TBC1D1: variants seen among roughly 807,000 people sequenced by gnomAD.
TBC1D1 encodes TBC1 domain family member 1.
In TBC1D1, 89 loss-of-function variants were observed where a neutral mutation model predicts 125.6. The ratio of observed to expected loss-of-function variants is 0.71; its 90% CI spans 0.60 to 0.85. TBC1D1 has a LOEUF of 0.85. Among genes scored for constraint, TBC1D1 ranks in the 40% least tolerant of loss-of-function variants. TBC1D1 has a pLI of 0.00. For missense variants in TBC1D1, 1,377 were observed against 1,469.2 expected (o/e 0.94, Z 1.03); for synonymous variants, 565 against 564.1 (o/e 1.00, Z -0.02).
intron 2 of TBC1D1, among the ~76,000 whole-genome samples, chr4:37,968,712 A>G (rs1421657860): frequency 2.0e-5 from 3 of 152,154 alleles, no homozygotes; most frequent in Admixed American, 6.5e-5. Flanking sequence ...CTGAAGATTC[A>G]TCTTGAATCC....
intron 17 of TBC1D1, chr4:38,118,439 C>CACG: frequency 2.5e-6 from 1 of 404,556 alleles, no homozygotes; most frequent in South Asian, 3.0e-5. Flanking sequence ...CGTGTAGATC[C>CACG]GATCGCTCAC....
chr4:37,946,036 A>G (rs1227964665), intron 2 of TBC1D1, among the ~76,000 whole-genome samples: 1 of 152,204 alleles, frequency 6.6e-6, no homozygotes, highest in Non-Finnish European at 1.5e-5. Flanking sequence ...AAGCCATAAT[A>G]TATTTTGATA....
intron 2 of TBC1D1, among the ~76,000 whole-genome samples, chr4:37,969,321 A>G (rs542512105): frequency 1.3e-5 from 2 of 152,186 alleles, no homozygotes; most frequent in Admixed American, 6.5e-5. Flanking sequence ...TGCATCTACT[A>G]TAGGCCAGTG....
intron 17 of TBC1D1, among the ~76,000 whole-genome samples, chr4:38,122,220 G>C (rs1280498882): frequency 1.3e-5 from 2 of 152,144 alleles, no homozygotes. Flanking sequence ...GCCCTTGCAG[G>C]GGTCATACCC....
At chr4:37,944,620 G>T (rs1726273973) in intron 2 of TBC1D1, among the ~76,000 whole-genome samples, 1 of 152,212 alleles carries the variant, frequency 6.6e-6, no homozygotes, top group Non-Finnish European at 1.5e-5. Context: ...CCATGGGTGT[G>T]GAACCCTTTG....
At chr4:37,973,630 A>G (rs770488030) in intron 2 of TBC1D1, among the ~76,000 whole-genome samples, 3 of 152,072 alleles carry the variant, frequency 2.0e-5, no homozygotes, top group Non-Finnish European at 4.4e-5. Context: ...TCCTGGGTTC[A>G]GCTTGTCCAG....
At chr4:37,902,590 A>G in intron 2 of TBC1D1, 78 bp downstream of exon 2, 1 of 1,158,890 alleles carries the variant, frequency 8.6e-7, no homozygotes, top group Non-Finnish European at 1.2e-6. Context: ...TATTTATTTT[A>G]AGTATACTGA....
chr4:38,035,238 TG>T (rs1746982808), intron 7 of TBC1D1, among the ~76,000 whole-genome samples: 1 of 152,210 alleles, frequency 6.6e-6, no homozygotes, highest in Non-Finnish European at 1.5e-5. Context: ...AGTTTGTCAA[TG>T]TTTGGTCATC....
intron 2 of TBC1D1, among the ~76,000 whole-genome samples, chr4:37,905,699 G>C (rs758605902): frequency 5.3e-5 from 8 of 152,164 alleles, no homozygotes; most frequent in Non-Finnish European, 1.0e-4. Context: ...AAAATGCCTT[G>C]GGCATCCCAA....
Position 38,106,058 on chromosome 4 carries a change from A to G in TBC1D1, c.2557+2901A>G, listed in dbSNP as rs145236899. On this transcript the variant is annotated intron_variant, in intron 15 of 19. Coordinates refer to ENST00000261439, the MANE Select transcript of TBC1D1 (RefSeq NM_015173.4). ...CCTTAGTATACAGCAGTGGCTCTTT[A>G]TTGCCTTTTTCCCTTATAGGATACA... Among the ~76,000 whole-genome samples, 48 of 152,022 alleles carry G rather than the reference A, an allele frequency of 3.2e-4. No homozygotes were observed. In the East Asian group the frequency reaches 8.3e-3, roughly 26 times the overall value.
At chr4:37,893,828 C>A (rs1456097856) in intron 1 of TBC1D1, among the ~76,000 whole-genome samples, 2 of 152,038 alleles carry the variant, frequency 1.3e-5, no homozygotes, top group Non-Finnish European at 2.9e-5. Flanking sequence ...GGTTTGTATC[C>A]CTGTAGTGAT....
intron 2 of TBC1D1, among the ~76,000 whole-genome samples, chr4:37,984,841 C>CAAA (rs774568817): frequency 2.2e-5 from 2 of 93,014 alleles, no homozygotes; most frequent in African/African-American, 4.3e-5. Context: ...GACCCTGTCT[C>CAAA]AAAAAAAAAA....
At chr4:37,998,250 C>T (rs1017118501) in intron 2 of TBC1D1, among the ~76,000 whole-genome samples, 3 of 152,190 alleles carry the variant, frequency 2.0e-5, no homozygotes, top group Admixed American at 2.0e-4. Context: ...CACTGGGTTA[C>T]AAGACCCCTG....
chr4:37,992,797 C>CT (rs748889632), intron 2 of TBC1D1, among the ~76,000 whole-genome samples: 1,273 of 120,410 alleles, frequency 0.011, 14 homozygotes, highest in African/African-American at 0.029. Flanking sequence ...CTGGCCGATT[C>CT]TTTTTTTTTT....
chr4:38,065,644 C>CCT (rs779133134), intron 12 of TBC1D1, among the ~76,000 whole-genome samples: 1 of 119,674 alleles, frequency 8.4e-6, no homozygotes, highest in African/African-American at 3.4e-5. Flanking sequence ...GTATTACCGC[C>CCT]TTTTTTTTTT....
At chr4:38,058,357 G>T (rs1434159139) in intron 12 of TBC1D1, among the ~76,000 whole-genome samples, 1 of 152,196 alleles carries the variant, frequency 6.6e-6, no homozygotes, top group Non-Finnish European at 1.5e-5. Flanking sequence ...TCCAAAGACA[G>T]TTTAGAGCTC....
At chr4:38,060,427 GTGAGACAGTATCTCCTTGTGGTTT>G (rs1752550759) in intron 12 of TBC1D1, among the ~76,000 whole-genome samples, 1 of 152,200 alleles carries the variant, frequency 6.6e-6, no homozygotes, top group Non-Finnish European at 1.5e-5. Flanking sequence ...TCTGACTGGT[GTGAGACAGTATCTCCTTGTGGTTT>G]TGATTTGCAT....
At chr4:38,028,529 G>C (rs1297025193) in intron 7 of TBC1D1, among the ~76,000 whole-genome samples, 2 of 152,134 alleles carry the variant, frequency 1.3e-5, no homozygotes, top group African/African-American at 4.8e-5. Context: ...AGCCGCCCTG[G>C]GCCACATGTT....
chr4:38,104,352 G>T (rs533589592), intron 15 of TBC1D1, among the ~76,000 whole-genome samples: 2 of 152,242 alleles, frequency 1.3e-5, no homozygotes, highest in Admixed American at 6.5e-5. Flanking sequence ...TGAAGGACTT[G>T]TTGAACTGGG....
Sources: allele counts gnomAD v4.1 joint callset (sites outside exome capture counted in the v4.1 genomes callset), GRCh38; gene constraint gnomAD v4.1.1; transcripts MANE v1.5; gene names NCBI Gene and HGNC (gene_info 2026-07-23, HGNC 2026-07-21).